Variants in CCDC3 observed in about 807,000 individuals in gnomAD.
The protein encoded by CCDC3 is coiled-coil domain-containing protein 3.
Under a neutral mutation model 21.4 loss-of-function variants are expected in CCDC3, and 24 were observed. That is an observed-to-expected ratio of 1.12 (90% CI 0.81 to 1.58). CCDC3 has a LOEUF of 1.58. CCDC3 is among the 40% of genes most tolerant of loss of function. The pLI, the probability that CCDC3 is intolerant of heterozygous loss-of-function variation, is 0.00. For synonymous variants in CCDC3, 186 were observed against 166.0 expected (o/e 1.12, Z -0.93); for missense variants, 425 against 360.9 (o/e 1.18, Z -1.44).
At chr10:12,913,506 G>A (rs1469176364) in intron 2 of CCDC3, among the ~76,000 whole-genome samples, 1 of 152,186 alleles carries the variant, frequency 6.6e-6, no homozygotes, top group African/African-American at 2.4e-5. Context: ...CTTTTTGTGT[G>A]TAAGATCATG....
intron 2 of CCDC3, among the ~76,000 whole-genome samples, chr10:12,903,403 C>CT (rs1363212795): frequency 1.3e-5 from 2 of 152,198 alleles, no homozygotes; most frequent in East Asian, 3.8e-4. Flanking sequence ...AATCCATCTC[C>CT]TTTTAAAACT....
At chr10:12,962,558 G>A (rs943497804) in intron 2 of CCDC3, among the ~76,000 whole-genome samples, 1 of 152,258 alleles carries the variant, frequency 6.6e-6, no homozygotes, top group African/African-American at 2.4e-5. Context: ...AGCCAAGATC[G>A]CACCACTGCA....
chr10:12,973,749 T>A (rs1835376278), intron 2 of CCDC3, among the ~76,000 whole-genome samples: 1 of 151,712 alleles, frequency 6.6e-6, no homozygotes, highest in African/African-American at 2.4e-5. Flanking sequence ...CCAGGTTTTA[T>A]AACTCCACGG....
chr10:12,953,804 A>C (rs141742291), intron 2 of CCDC3, among the ~76,000 whole-genome samples: 1 of 152,288 alleles, frequency 6.6e-6, no homozygotes, highest in East Asian at 1.9e-4. Flanking sequence ...AGAACAACAT[A>C]AGTCTTTGGA....
At chr10:13,062,751 C>T (rs1162184859) in intron 4 of CCDC3, among the ~76,000 whole-genome samples, 1 of 152,114 alleles carries the variant, frequency 6.6e-6, no homozygotes, top group African/African-American at 2.4e-5. Context: ...TAACATTAGC[C>T]ACAAGATTAG....
At chr10:12,986,306 A>G (rs543089274) in intron 2 of CCDC3, among the ~76,000 whole-genome samples, 4 of 152,178 alleles carry the variant, frequency 2.6e-5, no homozygotes, top group Non-Finnish European at 5.9e-5. Flanking sequence ...ACATCTGAAT[A>G]AACTCTGCAG....
At chr10:12,940,416 T>C (rs1033263685) in intron 2 of CCDC3, among the ~76,000 whole-genome samples, 1 of 152,116 alleles carries the variant, frequency 6.6e-6, no homozygotes, top group African/African-American at 2.4e-5. Context: ...TTGAGAGTTA[T>C]ATTAGGAATG....
Position 12,970,384 on chromosome 10 carries a change from C to T in CCDC3, c.549+27954G>A, listed in dbSNP as rs530914224. On this transcript the variant is annotated intron_variant, in intron 2 of 2. Coordinates refer to ENST00000378825, the MANE Select transcript of CCDC3 (RefSeq NM_031455.4). Reference sequence around the variant, plus strand: ...TGGGTTTATTGCTGTACAACCCCATCGTAAGTTGAGGTACATCTGTAGTAT... The same window carrying T: ...TGGGTTTATTGCTGTACAACCCCATTGTAAGTTGAGGTACATCTGTAGTAT... 4.6e-5 allele frequency among the ~76,000 whole-genome samples: 7 copies of T among 152,138 alleles called. No homozygotes were observed. The South Asian group carries it at 6.2e-4, about 14-fold the overall frequency.
At chr10:13,046,090 C>G (rs1178286642) in intron 5 of CCDC3, among the ~76,000 whole-genome samples, 1 of 151,280 alleles carries the variant, frequency 6.6e-6, no homozygotes, top group Non-Finnish European at 1.5e-5. Flanking sequence ...GACTCCATCT[C>G]CAAAACAAAA....
At chr10:12,988,970 G>A (rs1467362890) in intron 2 of CCDC3, among the ~76,000 whole-genome samples, 2 of 152,204 alleles carry the variant, frequency 1.3e-5, no homozygotes, top group Non-Finnish European at 2.9e-5. Context: ...CTAGAAAGCA[G>A]GGAGTAGCAC....
intron 4 of CCDC3, among the ~76,000 whole-genome samples, chr10:13,054,154 C>CA (rs71386143): frequency 0.039 from 3,907 of 99,788 alleles, 185 homozygotes; most frequent in African/African-American, 0.11. Context: ...GACTCTGTAT[C>CA]AAAAAAAAAA....
chr10:12,943,826 CTCTT>C (rs1834873754), intron 2 of CCDC3, among the ~76,000 whole-genome samples: 1 of 152,178 alleles, frequency 6.6e-6, no homozygotes, highest in African/African-American at 2.4e-5. Context: ...GAGAGTTTTT[CTCTT>C]TCTCTCTATT....
At position 12,908,116 on chromosome 10, in the gene CCDC3, A is replaced by G. The variant is rs111584474; in HGVS notation, c.550-9437T>C. Among the ~76,000 whole-genome samples the G allele has an allele frequency of 4.5e-3, 682 of 152,348 alleles. 8 individuals are homozygous for G. Among genetic ancestry groups the G allele is most frequent in the African/African-American group, 0.015 (626 of 41,578 alleles). The stretch of plus-strand genomic sequence containing the variant: ...AAGGGGAGTTTATTAGCTAAGTTCT[A>G]CTACAGAGATCATAAAGCCACGTCT... On this transcript the variant is annotated intron_variant, in intron 2 of 2. Coordinates refer to ENST00000378825, the MANE Select transcript of CCDC3 (RefSeq NM_031455.4).
intron 1 of CCDC3, 124 bp from the exon 2 acceptor site, chr10:12,998,636 AT>A: frequency 1.3e-6 from 1 of 785,860 alleles, no homozygotes; most frequent in Non-Finnish European, 2.0e-6. Flanking sequence ...CATGGCTCTC[AT>A]TAGAGGAGTT....
In CCDC3 at chr10:12,898,666, G is replaced by T. The variant is rs150029612; in HGVS notation, c.563C>A (p.Ser188Ter). The T allele has an allele frequency of 8.4e-5, 135 of 1,614,152 alleles. No individual in the cohort carries two copies. In the African/African-American group the frequency reaches 1.7e-3, roughly 20 times the overall value. ...CTCCTCAAACAAGGCCTTCTGCACC[G>T]AGGAGCACATGAGCTGGAGGCAGAG... ...IQEDSRLMCSSVQKALFEEED... is the reference protein window; with the variant it reads ...IQEDSRLMCS The change falls in exon 3 of 3, where the codon TCG (serine) becomes TAG (stop). Residue 188 changes from serine (S) to a stop codon, truncating the protein, a stop_gained. Transcript: ENST00000378825. LOFTEE classifies it high-confidence loss of function.
chr10:12,955,947 A>G (rs1429038188), intron 2 of CCDC3, among the ~76,000 whole-genome samples: 1 of 152,078 alleles, frequency 6.6e-6, no homozygotes, highest in Non-Finnish European at 1.5e-5. Context: ...ACCTCAAGTG[A>G]CCTGCCTGCC....
chr10:13,091,381 A>G (rs972922707), intron 3 of CCDC3, among the ~76,000 whole-genome samples: 1 of 152,176 alleles, frequency 6.6e-6, no homozygotes. Flanking sequence ...GAGACCCCAG[A>G]GAGCTGCATC....
chr10:12,957,310 C>T (rs1835104412), intron 2 of CCDC3, among the ~76,000 whole-genome samples: 1 of 152,206 alleles, frequency 6.6e-6, no homozygotes, highest in Non-Finnish European at 1.5e-5. Context: ...CCGAGCTTAG[C>T]TCTATACCGA....
intron 4 of CCDC3, among the ~76,000 whole-genome samples, chr10:13,059,398 C>T (rs1169726795): frequency 6.6e-6 from 1 of 152,136 alleles, no homozygotes; most frequent in African/African-American, 2.4e-5. Context: ...TTGGGAGTAT[C>T]TTTGTTACAG....
Sources: allele counts gnomAD v4.1 joint callset (sites outside exome capture counted in the v4.1 genomes callset), GRCh38; gene constraint gnomAD v4.1.1; transcripts MANE v1.5; gene names NCBI Gene and HGNC (gene_info 2026-07-23, HGNC 2026-07-21).